The following PSPH variants were observed in gnomAD, a reference collection of about 807,000 sequenced individuals.
PSPH encodes the protein phosphoserine phosphatase.
A neutral mutation model predicts 23.4 loss-of-function variants in PSPH; 16 were observed. The observed-to-expected ratio is 0.68, with a 90% CI of 0.46 to 1.04. The LOEUF (loss-of-function observed/expected upper bound fraction) is 1.04, where lower values mean the gene tolerates loss of function less well. Among genes scored for constraint, PSPH ranks in the 50% least tolerant of loss-of-function variants. The pLI, the probability that PSPH is intolerant of heterozygous loss-of-function variation, is 0.00. For synonymous variants in PSPH, 68 were observed against 99.7 expected (o/e 0.68, Z 1.89); for missense variants, 223 against 273.7 (o/e 0.81, Z 1.31).
rs758268771 is a variant in PSPH at position 56,019,732 on chromosome 7, G to A, written c.143C>T (p.Thr48Ile). 9.9e-6 allele frequency: 16 copies of A among 1,612,918 alleles called. No individual in the cohort carries two copies. Among genetic ancestry groups the A allele is most frequent in the African/African-American group, 1.3e-5 (1 of 74,940 alleles). ...CGVEDAVSEM[T>I]RRAMGGAVPF... ...CACTGCCCCGCCCATGGCTCGCCGT[G>A]TCCTAGGAGGGAGACCCAACAGTCA... The change falls in exon 5 of 8, where the codon ACA becomes ATA. Residue 48 changes from threonine (T) to isoleucine (I), a missense_variant and splice_region_variant. Thr to Ile is a moderately conservative substitution (Grantham distance 89). Coordinates refer to ENST00000275605, the MANE Select transcript of PSPH (RefSeq NM_004577.4).
chr7:56,040,827 C>T (rs1220368047), intron 1 of PSPH, among the ~76,000 whole-genome samples: 6 of 151,974 alleles, frequency 3.9e-5, no homozygotes, highest in Admixed American at 3.3e-4. Context: ...ATGAGCTGTT[C>T]ATGACACAGT....
chr7:56,021,607 T>C (rs1789460502), intron 3 of PSPH, among the ~76,000 whole-genome samples: 1 of 140,296 alleles, frequency 7.1e-6, no homozygotes, highest in South Asian at 2.2e-4. Flanking sequence ...ATATATATAG[T>C]TGTTTTTTTT....
intron 1 of PSPH, among the ~76,000 whole-genome samples, chr7:56,039,640 G>A (rs565192616): frequency 2.0e-5 from 3 of 151,354 alleles, no homozygotes; most frequent in East Asian, 3.9e-4. Context: ...GCTGGGCATG[G>A]TAGTACGTGC....
intron 3 of PSPH, among the ~76,000 whole-genome samples, chr7:56,022,326 C>T (rs1789581739): frequency 6.6e-6 from 1 of 151,948 alleles, no homozygotes; most frequent in South Asian, 2.1e-4. Flanking sequence ...AGAGCAAGAC[C>T]CTGACTCTAA....
intron 5 of PSPH, among the ~76,000 whole-genome samples, chr7:56,018,284 C>T (rs1562788369): frequency 6.6e-6 from 1 of 151,918 alleles, no homozygotes; most frequent in Non-Finnish European, 1.5e-5. Context: ...GTGGAGGTTG[C>T]AGTGAGCCGA....
intron 5 of PSPH, among the ~76,000 whole-genome samples, chr7:56,017,843 C>T (rs117690775): frequency 0.15 from 22,766 of 151,638 alleles, 1,917 homozygotes; most frequent in Non-Finnish European, 0.19. Flanking sequence ...TTGTGTCAGC[C>T]TCCCGAGTAG....
chr7:56,038,495 T>G (rs1792041672), intron 1 of PSPH, among the ~76,000 whole-genome samples: 1 of 151,000 alleles, frequency 6.6e-6, no homozygotes, highest in Non-Finnish European at 1.5e-5. Context: ...ACACGTGCAA[T>G]TTCTATGACC....
chr7:56,050,149 T>C (rs1289250013), intron 1 of PSPH, among the ~76,000 whole-genome samples: 1 of 152,136 alleles, frequency 6.6e-6, no homozygotes, highest in Non-Finnish European at 1.5e-5. Context: ...CATATATAGA[T>C]GTTTTTGTGA....
At chr7:56,047,140 T>C (rs1039687353) in intron 1 of PSPH, among the ~76,000 whole-genome samples, 1 of 152,044 alleles carries the variant, frequency 6.6e-6, no homozygotes, top group Non-Finnish European at 1.5e-5. Flanking sequence ...CCCCAGCACT[T>C]TGGGAGGCTG....
intron 4 of PSPH, 40 bp from the exon 5 acceptor site, chr7:56,019,774 T>C (rs927670275): frequency 2.5e-6 from 4 of 1,609,188 alleles, no homozygotes; most frequent in South Asian, 1.1e-5. Flanking sequence ...CCAGGTCCGA[T>C]GTCCTCAAGG....
intron 3 of PSPH, among the ~76,000 whole-genome samples, chr7:56,021,957 A>AG (rs1789534471): frequency 6.6e-6 from 1 of 150,794 alleles, no homozygotes; most frequent in South Asian, 2.1e-4. Flanking sequence ...CTCAAAAAAA[A>AG]AAAAAAAAAA....
intron 3 of PSPH, among the ~76,000 whole-genome samples, chr7:56,021,606 G>GT (rs1283458122): frequency 1.9e-4 from 26 of 139,466 alleles, no homozygotes; most frequent in Non-Finnish European, 3.0e-4. Flanking sequence ...TATATATATA[G>GT]TTGTTTTTTT....
intron 1 of PSPH, among the ~76,000 whole-genome samples, chr7:56,036,438 A>G (rs1791733824): frequency 6.6e-6 from 1 of 152,062 alleles, no homozygotes; most frequent in African/African-American, 2.4e-5. Context: ...AATATTAAAT[A>G]TTCTTAAAAA....
At chr7:56,036,410 A>C (rs902437270) in intron 1 of PSPH, among the ~76,000 whole-genome samples, 1 of 152,258 alleles carries the variant, frequency 6.6e-6, no homozygotes, top group Non-Finnish European at 1.5e-5. Context: ...TAAATGTTTA[A>C]TATTAAGTAT....
At chr7:56,032,415 C>T (rs1791126935) in intron 2 of PSPH, among the ~76,000 whole-genome samples, 1 of 152,092 alleles carries the variant, frequency 6.6e-6, no homozygotes, top group South Asian at 2.1e-4. Flanking sequence ...AATCCCAGCA[C>T]TTTGGGAGGC....
chr7:56,045,474 T>A (rs546991126), intron 1 of PSPH, among the ~76,000 whole-genome samples: 2 of 151,752 alleles, frequency 1.3e-5, no homozygotes, highest in East Asian at 3.9e-4. Context: ...TAAAAATATA[T>A]AAAAGAAAAA....
intron 3 of PSPH, among the ~76,000 whole-genome samples, chr7:56,022,794 C>T (rs1280233887): frequency 6.6e-6 from 1 of 152,188 alleles, no homozygotes; most frequent in Non-Finnish European, 1.5e-5. Flanking sequence ...CGCGGTGGCT[C>T]ACGCCTGTAA....
rs535108883 is a variant in PSPH, at chr7:56,043,491, A to AAAAT, written c.-292+7643_-292+7646dup. On this transcript the variant is annotated intron_variant, in intron 1 of 7. Transcript: ENST00000275605. ...AACAGAGTAAGACCCCATATCTCTAAAAATAAATAAATAAATAAATAAATA... is the reference window on the plus strand; with the variant it reads ...AACAGAGTAAGACCCCATATCTCTAAAAATAAATAAATAAATAAATAAATAAATA... 6.7e-3 allele frequency among the ~76,000 whole-genome samples: 1,023 copies of AAAAT among 151,704 alleles called. 3 individuals are homozygous for AAAAT. Among genetic ancestry groups the AAAAT allele is most frequent in the Middle Eastern group, 0.021 (6 of 290 alleles).
intron 1 of PSPH, among the ~76,000 whole-genome samples, chr7:56,038,455 T>G (rs971152082): frequency 6.6e-6 from 1 of 151,634 alleles, no homozygotes; most frequent in African/African-American, 2.4e-5. Context: ...CGAGACTCCG[T>G]CTAAAAAACA....
Sources: gnomAD v4.1 joint callset for allele counts (sites outside exome capture counted in the v4.1 genomes callset) on GRCh38, gnomAD v4.1.1 for gene constraint, MANE v1.5 for transcripts, NCBI Gene and HGNC (gene_info 2026-07-23, HGNC 2026-07-21) for gene names.